Variants in DLGAP1 observed in about 807,000 individuals in gnomAD.
DLGAP1 encodes the protein disks large-associated protein 1.
In DLGAP1, 11 loss-of-function variants were observed where a neutral mutation model predicts 90.8. The ratio of observed to expected loss-of-function variants is 0.12; its 90% CI spans 0.08 to 0.20. DLGAP1 has a LOEUF of 0.20. Ranked by LOEUF, DLGAP1 falls within the 10% of genes least tolerant of loss-of-function variation. The probability of loss-of-function intolerance (pLI) is 1.00; values close to 1 mark genes in which losing one functional copy is unlikely to be tolerated. For missense variants in DLGAP1, 1,050 were observed against 1,333.8 expected, an observed-to-expected ratio of 0.79 and a Z score of 3.31; for synonymous variants, 558 against 540.7, an observed-to-expected ratio of 1.03 and a Z score of -0.44.
At chr18:4,136,905 G>GT (rs35775897) in intron 2 of DLGAP1, among the ~76,000 whole-genome samples, 17,976 of 151,986 alleles carry the variant, frequency 0.12, 1,140 homozygotes, top group East Asian at 0.19. Flanking sequence ...TTTTGATGTG[G>GT]TTTTTTTATT....
intron 4 of DLGAP1, among the ~76,000 whole-genome samples, chr18:3,857,094 C>T (rs116010595): frequency 0.011 from 1,640 of 152,196 alleles, 25 homozygotes; most frequent in African/African-American, 0.036. Flanking sequence ...TTGACCCAGA[C>T]ATTTGTGATG....
chr18:4,162,911 T>C (rs1360064576), intron 1 of DLGAP1, among the ~76,000 whole-genome samples: 2 of 134,154 alleles, frequency 1.5e-5, no homozygotes, highest in Non-Finnish European at 3.0e-5. Context: ...ATAATCAGAG[T>C]TTTTTTTTAA....
At chr18:3,841,736 T>C (rs1452046583) in intron 4 of DLGAP1, among the ~76,000 whole-genome samples, 4 of 152,134 alleles carry the variant, frequency 2.6e-5, no homozygotes, top group East Asian at 1.9e-4. Flanking sequence ...AAAAAATCAT[T>C]GCATCTGGTT....
At chr18:4,263,557 A>G (rs968856042) in intron 1 of DLGAP1, among the ~76,000 whole-genome samples, 2 of 152,224 alleles carry the variant, frequency 1.3e-5, no homozygotes, top group African/African-American at 4.8e-5. Flanking sequence ...AAGAGGATAA[A>G]GAAAATTCTA....
intron 9 of DLGAP1, among the ~76,000 whole-genome samples, chr18:3,562,406 G>A (rs1254378580): frequency 6.6e-6 from 1 of 152,046 alleles, no homozygotes; most frequent in Non-Finnish European, 1.5e-5. Context: ...CCCGTTGTGG[G>A]AGGAACCTGG....
At chr18:4,111,024 T>G (rs1598418475) in intron 2 of DLGAP1, among the ~76,000 whole-genome samples, 1 of 152,148 alleles carries the variant, frequency 6.6e-6, no homozygotes, top group East Asian at 1.9e-4. Context: ...TGATCTCATC[T>G]AAAGGTTATG....
intron 1 of DLGAP1, among the ~76,000 whole-genome samples, chr18:4,278,613 T>C (rs1019130625): frequency 1.3e-5 from 2 of 152,150 alleles, no homozygotes; most frequent in Non-Finnish European, 2.9e-5. Flanking sequence ...AAGAACATGA[T>C]TTCATTGTTT....
At chr18:4,072,168 T>C (rs2143481304) in intron 2 of DLGAP1, among the ~76,000 whole-genome samples, 1 of 151,884 alleles carries the variant, frequency 6.6e-6, no homozygotes, top group African/African-American at 2.4e-5. Flanking sequence ...AGCAAAAACT[T>C]GGAGTCTATG....
At chr18:3,782,182 G>A (rs1382769654) in intron 5 of DLGAP1, among the ~76,000 whole-genome samples, 2 of 151,716 alleles carry the variant, frequency 1.3e-5, no homozygotes, top group Non-Finnish European at 2.9e-5. Flanking sequence ...TGTTGTCCAG[G>A]CTGGAGTGCA....
intron 5 of DLGAP1, among the ~76,000 whole-genome samples, chr18:3,744,838 C>T (rs1036527759): frequency 1.3e-5 from 2 of 152,090 alleles, no homozygotes; most frequent in African/African-American, 4.8e-5. Context: ...AAGCCACTGC[C>T]CCATAAATCT....
intron 1 of DLGAP1, chr18:4,431,212 T>C (rs1034026444): frequency 6.6e-6 from 1 of 152,404 alleles, no homozygotes; most frequent in Admixed American, 6.5e-5. Flanking sequence ...TTCTGCAGTT[T>C]TGAAAGGACC....
intron 2 of DLGAP1, among the ~76,000 whole-genome samples, chr18:4,028,135 T>C (rs1387483806): frequency 6.6e-6 from 1 of 152,242 alleles, no homozygotes; most frequent in Non-Finnish European, 1.5e-5. Context: ...AACTTAGCTC[T>C]TCCTTTCCTA....
intron 1 of DLGAP1, among the ~76,000 whole-genome samples, chr18:4,255,617 G>A (rs1159681031): frequency 4.6e-5 from 7 of 151,778 alleles, no homozygotes; most frequent in Admixed American, 3.9e-4. Context: ...CACCACCAAT[G>A]AAACCCCGCA....
chr18:3,578,215 A>T (rs1375979304), intron 8 of DLGAP1, among the ~76,000 whole-genome samples: 1 of 152,208 alleles, frequency 6.6e-6, no homozygotes, highest in Non-Finnish European at 1.5e-5. Context: ...AATTAAATGT[A>T]AAGTTTTGGT....
intron 7 of DLGAP1, among the ~76,000 whole-genome samples, chr18:3,663,844 C>T (rs868668379): frequency 3.3e-5 from 5 of 152,140 alleles, no homozygotes; most frequent in African/African-American, 1.2e-4. Context: ...AACATTATTT[C>T]GAGTGTGTGT....
intron 1 of DLGAP1, among the ~76,000 whole-genome samples, chr18:4,341,754 A>T (rs866484099): frequency 2.3e-4 from 35 of 152,264 alleles, no homozygotes; most frequent in Middle Eastern, 3.4e-3. Flanking sequence ...GATACTGCAT[A>T]TTTTTTGTCA....
At chr18:3,679,343 G>A (rs371605944) in intron 7 of DLGAP1, among the ~76,000 whole-genome samples, 34 of 151,996 alleles carry the variant, frequency 2.2e-4, no homozygotes, top group East Asian at 1.2e-3. Flanking sequence ...GAAACTACTT[G>A]TGTGACATGA....
At chr18:3,981,880 T>C (rs1438585706) in intron 3 of DLGAP1, among the ~76,000 whole-genome samples, 1 of 152,238 alleles carries the variant, frequency 6.6e-6, no homozygotes, top group African/African-American at 2.4e-5. Flanking sequence ...TTCCCTCCTC[T>C]GATCTCCTAC....
chr18:3,961,399 C>A (rs1440239518), intron 3 of DLGAP1, among the ~76,000 whole-genome samples: 1 of 152,146 alleles, frequency 6.6e-6, no homozygotes, highest in Non-Finnish European at 1.5e-5. Context: ...GTACTGAATT[C>A]TCTCCCTCCT....
Sources: gnomAD v4.1 joint callset for allele counts (sites outside exome capture counted in the v4.1 genomes callset) on GRCh38, gnomAD v4.1.1 for gene constraint, MANE v1.5 for transcripts, NCBI Gene and HGNC (gene_info 2026-07-23, HGNC 2026-07-21) for gene names.